TMCC1: variants seen among roughly 807,000 people sequenced by gnomAD.
TMCC1 encodes transmembrane and coiled-coil domain family 1.
A neutral mutation model predicts 52.4 loss-of-function variants in TMCC1; 15 were observed. That is an observed-to-expected ratio of 0.29 (90% CI 0.19 to 0.44). TMCC1 has a LOEUF of 0.44. TMCC1 is among the 20% of genes least tolerant of loss of function. The pLI is 1.00. For synonymous variants in TMCC1, 279 were observed against 301.9 expected, an observed-to-expected ratio of 0.92 and a Z score of 0.79; for missense variants, 503 against 806.0, an observed-to-expected ratio of 0.62 and a Z score of 4.55.
intron 4 of TMCC1, among the ~76,000 whole-genome samples, chr3:129,674,327 G>A (rs2088214024): frequency 6.6e-6 from 1 of 152,128 alleles, no homozygotes; most frequent in Non-Finnish European, 1.5e-5. Flanking sequence ...TCATCAACAT[G>A]CCTGCAAGAG....
At chr3:129,718,968 T>G (rs1056555716) in intron 4 of TMCC1, among the ~76,000 whole-genome samples, 1 of 152,200 alleles carries the variant, frequency 6.6e-6, no homozygotes, top group Non-Finnish European at 1.5e-5. Context: ...ATCCCCACTT[T>G]GATCAAGAGT....
intron 5 of TMCC1, among the ~76,000 whole-genome samples, chr3:129,662,924 T>C (rs1282225818): frequency 6.6e-6 from 1 of 152,204 alleles, no homozygotes; most frequent in East Asian, 1.9e-4. Context: ...ACTGTAAGAT[T>C]ATTTTTTCTA....
chr3:129,884,467 A>C (rs1467520136), intron 1 of TMCC1, among the ~76,000 whole-genome samples: 1 of 152,104 alleles, frequency 6.6e-6, no homozygotes, highest in Non-Finnish European at 1.5e-5. Flanking sequence ...ATTTCTACAA[A>C]ATAAAATAAA....
At chr3:129,861,299 G>A (rs1054643117) in intron 2 of TMCC1, among the ~76,000 whole-genome samples, 3 of 152,142 alleles carry the variant, frequency 2.0e-5, no homozygotes, top group Non-Finnish European at 2.9e-5. Context: ...ATTTAGCTGG[G>A]TGTGGTGGCG....
rs951093058 is a variant in TMCC1, at chr3:129,747,593, C to T, written c.577-76329G>A. On this transcript the variant is annotated intron_variant, in intron 4 of 6. Transcript: ENST00000393238. ...TACTATGAGAAACCTGCTCTCATCA[C>T]CCTCACTGTATTTATCAATCCCTCT... Among the ~76,000 whole-genome samples the T allele has an allele frequency of 3.3e-5, 5 of 152,116 alleles. No individual in the cohort carries two copies. In the East Asian group the frequency reaches 9.6e-4, roughly 29 times the overall value.
At chr3:129,731,714 T>C (rs1037257598) in intron 4 of TMCC1, among the ~76,000 whole-genome samples, 3 of 151,918 alleles carry the variant, frequency 2.0e-5, no homozygotes, top group Non-Finnish European at 4.4e-5. Context: ...TCATACTTAC[T>C]GGCTCAAGCC....
intron 2 of TMCC1, among the ~76,000 whole-genome samples, chr3:129,854,048 A>G (rs886368563): frequency 6.6e-6 from 1 of 152,054 alleles, no homozygotes; most frequent in African/African-American, 2.4e-5. Flanking sequence ...ATACCCCTAC[A>G]TCCACTCTGG....
At chr3:129,862,715 T>C (rs2060449962) in intron 2 of TMCC1, among the ~76,000 whole-genome samples, 1 of 152,214 alleles carries the variant, frequency 6.6e-6, no homozygotes, top group Non-Finnish European at 1.5e-5. Context: ...AACAAGCTCA[T>C]CACTCATCTG....
chr3:129,877,796 T>C (rs1196941934), intron 2 of TMCC1, among the ~76,000 whole-genome samples: 1 of 151,356 alleles, frequency 6.6e-6, no homozygotes, highest in East Asian at 1.9e-4. Context: ...GCACAACTAA[T>C]TTTTTGTATT....
intron 2 of TMCC1, among the ~76,000 whole-genome samples, chr3:129,871,641 TAACA>T (rs1377945616): frequency 6.6e-6 from 1 of 152,014 alleles, no homozygotes; most frequent in Non-Finnish European, 1.5e-5. Context: ...GTCAAATGAC[TAACA>T]AACTGGGAAA....
At chr3:129,829,623 T>A (rs745646198) in intron 3 of TMCC1, among the ~76,000 whole-genome samples, 6 of 151,948 alleles carry the variant, frequency 3.9e-5, no homozygotes, top group Non-Finnish European at 7.4e-5. Context: ...TATTTCCATA[T>A]TTTTCTTTAA....
At chr3:129,741,573 GTTAA>G (rs2051461051) in intron 4 of TMCC1, among the ~76,000 whole-genome samples, 1 of 152,132 alleles carries the variant, frequency 6.6e-6, no homozygotes, top group African/African-American at 2.4e-5. Context: ...TTGCCACTGA[GTTAA>G]TTGTCTCTAA....
intron 4 of TMCC1, among the ~76,000 whole-genome samples, chr3:129,683,943 C>T (rs892823422): frequency 2.0e-5 from 3 of 152,110 alleles, no homozygotes; most frequent in African/African-American, 7.2e-5. Context: ...AAAATCTGTA[C>T]TTAATTTTGA....
intron 4 of TMCC1, among the ~76,000 whole-genome samples, chr3:129,804,119 C>T (rs1274023528): frequency 1.3e-5 from 2 of 151,890 alleles, no homozygotes; most frequent in African/African-American, 4.8e-5. Flanking sequence ...AAATAAAAGC[C>T]CCAAAGACCA....
At chr3:129,699,329 G>T (rs2047643597) in intron 4 of TMCC1, among the ~76,000 whole-genome samples, 1 of 152,192 alleles carries the variant, frequency 6.6e-6, no homozygotes, top group African/African-American at 2.4e-5. Flanking sequence ...TAATTACAAT[G>T]CATTAGCATG....
intron 4 of TMCC1, among the ~76,000 whole-genome samples, chr3:129,677,122 G>A (rs983177768): frequency 9.2e-5 from 14 of 151,884 alleles, no homozygotes; most frequent in Non-Finnish European, 1.0e-4. Flanking sequence ...AAATTTGGCC[G>A]GGTATGGTGG....
At chr3:129,687,259 T>C (rs2089473498) in intron 4 of TMCC1, among the ~76,000 whole-genome samples, 2 of 152,130 alleles carry the variant, frequency 1.3e-5, no homozygotes, top group Admixed American at 1.3e-4. Flanking sequence ...CAGTAACACC[T>C]GCCTAAGTTA....
At position 129,722,913 on chromosome 3, in the gene TMCC1, G is replaced by A. The variant is rs553693005; in HGVS notation, c.577-51649C>T. On this transcript the variant is annotated intron_variant, in intron 4 of 6. Transcript: ENST00000393238. ...AAATTATCAACCATAAGGCATAAGA[G>A]GGTAATTCAATATCAAACTTCACAG... is the stretch of plus-strand genomic sequence containing the variant. Among the ~76,000 whole-genome samples the A allele has an allele frequency of 2.1e-4, 32 of 152,262 alleles. No homozygotes were observed. In the South Asian group the frequency reaches 5.6e-3, roughly 27 times the overall value.
At chr3:129,671,310 C>T (rs1470797011) in intron 4 of TMCC1, 46 bp from the exon 5 acceptor site, 10 of 1,536,778 alleles carry the variant, frequency 6.5e-6, no homozygotes, top group African/African-American at 5.5e-5. Flanking sequence ...AAGAGGACTA[C>T]GTCTTCAAAA....
Sources: gnomAD v4.1 joint callset for allele counts (sites outside exome capture counted in the v4.1 genomes callset) on GRCh38, gnomAD v4.1.1 for gene constraint, MANE v1.5 for transcripts, NCBI Gene and HGNC (gene_info 2026-07-23, HGNC 2026-07-21) for gene names.